The following PPP1R12A variants were observed in gnomAD, a reference collection of about 807,000 sequenced individuals.
PPP1R12A encodes the protein myosin binding subunit.
In PPP1R12A, 19 loss-of-function variants were observed where a neutral mutation model predicts 139.6. The observed-to-expected ratio is 0.14, with a 90% CI of 0.09 to 0.20. The LOEUF (loss-of-function observed/expected upper bound fraction) is 0.20. Among genes scored for constraint, PPP1R12A ranks in the 10% least tolerant of loss-of-function variants. The pLI, the probability that PPP1R12A is intolerant of heterozygous loss-of-function variation, is 1.00. For missense variants in PPP1R12A, 925 were observed against 1,211.5 expected (o/e 0.76, Z 3.51); for synonymous variants, 427 against 420.6 (o/e 1.02, Z -0.19).
chr12:79,854,538 G>C (rs564295643), intron 2 of PPP1R12A, among the ~76,000 whole-genome samples: 19 of 152,164 alleles, frequency 1.2e-4, no homozygotes, highest in Non-Finnish European at 2.1e-4. Flanking sequence ...AGAAAGAGAG[G>C]CAGAATAGTG....
chr12:79,900,445 A>T (rs1885531994), intron 1 of PPP1R12A, among the ~76,000 whole-genome samples: 1 of 152,188 alleles, frequency 6.6e-6, no homozygotes, highest in African/African-American at 2.4e-5. Context: ...ATAGGCACAC[A>T]AATATTTGCT....
intron 2 of PPP1R12A, among the ~76,000 whole-genome samples, chr12:79,846,606 T>C (rs1290290609): frequency 1.3e-5 from 2 of 151,376 alleles, no homozygotes; most frequent in African/African-American, 2.4e-5. Context: ...ATTTTTTTTT[T>C]TTTTTTTTGT....
At chr12:79,797,007 A>G (rs1249569589) in intron 16 of PPP1R12A, 57 bp from the exon 17 acceptor site, 4 of 1,499,280 alleles carry the variant, frequency 2.7e-6, no homozygotes, top group East Asian at 4.6e-5. Flanking sequence ...TAAAAACATA[A>G]AAATACTTAA....
In PPP1R12A at chr12:79,775,907, T is replaced by C. The variant is rs1261932609; in HGVS notation, c.*22A>G. The C allele has an allele frequency of 2.0e-5, 30 of 1,509,664 alleles. No individual in the cohort carries two copies. The highest frequency in any genetic ancestry group is 2.2e-5 in the Non-Finnish European group (25 of 1,114,674). 93.5% of individuals were successfully genotyped at this position (1,509,664 alleles called of 1,614,324 possible). ...TGGGTTACTAATATGTGCAATTCCA[T>C]TACTTGCTGCTTTTTTTTTTTTTAT... On this transcript the variant is annotated 3_prime_UTR_variant, in exon 25 of 25. Transcript: ENST00000450142.
At chr12:79,859,357 A>AG (rs1387952487) in intron 2 of PPP1R12A, among the ~76,000 whole-genome samples, 5 of 150,316 alleles carry the variant, frequency 3.3e-5, no homozygotes, top group Non-Finnish European at 7.4e-5. Flanking sequence ...AAAGAAAGAA[A>AG]AAAAAAAAAA....
At chr12:79,890,901 C>CCCCCCACA (rs1884549245) in intron 1 of PPP1R12A, among the ~76,000 whole-genome samples, 4 of 30,952 alleles carry the variant, frequency 1.3e-4, no homozygotes, top group Admixed American at 4.1e-4. Flanking sequence ...CCACCCACAC[C>CCCCCCACA]CACCCACACA....
chr12:79,933,747 T>A (rs897481461), intron 1 of PPP1R12A, among the ~76,000 whole-genome samples: 2 of 152,238 alleles, frequency 1.3e-5, no homozygotes, highest in African/African-American at 4.8e-5. Flanking sequence ...CAATAGTTTC[T>A]CCTTATTTGG....
chr12:79,893,053 A>C (rs901794947), intron 1 of PPP1R12A, among the ~76,000 whole-genome samples: 10 of 151,908 alleles, frequency 6.6e-5, no homozygotes, highest in Middle Eastern at 3.4e-3. Flanking sequence ...CCGTGAGCCA[A>C]GATTGCGCCA....
chr12:79,806,030 G>T (rs1170380262), intron 13 of PPP1R12A, 136 bp downstream of exon 13: 6 of 1,233,072 alleles, frequency 4.9e-6, no homozygotes, highest in Non-Finnish European at 2.2e-6. Context: ...GCCTCATTTT[G>T]GAACCAATTT....
intron 22 of PPP1R12A, among the ~76,000 whole-genome samples, chr12:79,783,403 G>A (rs1032263831): frequency 8.6e-5 from 13 of 151,832 alleles, no homozygotes; most frequent in Non-Finnish European, 1.3e-4. Context: ...GGGATATTGA[G>A]GCTGCAGTGA....
chr12:79,847,922 A>G lies in PPP1R12A; in HGVS notation c.369-2502T>C, dbSNP rs77195201. ...CATTTTCCTTAGAATAAATGAAATA[A>G]CTGATCAATCTCTATATCTTTTACA... is the stretch of plus-strand genomic sequence containing the variant. On this transcript the variant is annotated intron_variant, in intron 2 of 24. Coordinates refer to ENST00000450142, the MANE Select transcript of PPP1R12A (RefSeq NM_002480.3). Among the ~76,000 whole-genome samples, 826 of 152,240 alleles carry G rather than the reference A, an allele frequency of 5.4e-3. 5 individuals are homozygous for G. The highest frequency in any genetic ancestry group is 0.019 in the African/African-American group (784 of 41,542).
intron 24 of PPP1R12A, chr12:79,777,534 T>A: frequency 1.0e-6 from 1 of 985,332 alleles, no homozygotes; most frequent in East Asian, 1.1e-4. Context: ...GTTCACAGAC[T>A]GCAGTTGCCT....
intron 5 of PPP1R12A, among the ~76,000 whole-genome samples, chr12:79,827,294 C>A (rs952424083): frequency 6.6e-6 from 1 of 151,894 alleles, no homozygotes; most frequent in African/African-American, 2.4e-5. Context: ...GATTTTCATG[C>A]CTGCACATTT....
chr12:79,871,217 A>C (rs1183140592), intron 2 of PPP1R12A, among the ~76,000 whole-genome samples: 8 of 152,208 alleles, frequency 5.3e-5, no homozygotes, highest in Admixed American at 5.2e-4. Context: ...AACAAGTACC[A>C]TTATTCTTTA....
Position 79,873,030 on chromosome 12 carries a change from TTATAA to T in PPP1R12A, c.238-97_238-93del, listed in dbSNP as rs1343717416. On this transcript the variant is annotated intron_variant, in intron 1 of 24. Transcript: ENST00000450142. ...GAATAAAATTCCTACTTTGTAGCTT[TTATAA>T]TATAAATATTCTCTGTAAATAAATC... 32 of 1,282,242 alleles carry T rather than the reference TTATAA, an allele frequency of 2.5e-5. No homozygotes were observed. The Admixed American group carries it at 7.3e-4, about 29-fold the overall frequency. The allele number at this position is 1,282,242 out of a possible 1,614,324, so 79.4% of individuals were successfully genotyped here.
intron 1 of PPP1R12A, among the ~76,000 whole-genome samples, chr12:79,874,507 G>T (rs1466688092): frequency 6.6e-6 from 1 of 151,858 alleles, no homozygotes; most frequent in Non-Finnish European, 1.5e-5. Flanking sequence ...ATGTCATTTG[G>T]TAACAGGGGT....
intron 2 of PPP1R12A, among the ~76,000 whole-genome samples, chr12:79,856,895 T>C (rs865943379): frequency 6.6e-6 from 1 of 152,238 alleles, no homozygotes; most frequent in Non-Finnish European, 1.5e-5. Flanking sequence ...CAGCAATGTT[T>C]AGGCATATGG....
chr12:79,797,439 G>T, intron 15 of PPP1R12A, 44 bp from the exon 16 acceptor site: 1 of 1,474,906 alleles, frequency 6.8e-7, no homozygotes, highest in Non-Finnish European at 9.1e-7. Flanking sequence ...ATGCATTAAA[G>T]CTTGTTTCAA....
At chr12:79,839,120 G>A (rs1247700027) in intron 3 of PPP1R12A, among the ~76,000 whole-genome samples, 1 of 152,268 alleles carries the variant, frequency 6.6e-6, no homozygotes, top group Non-Finnish European at 1.5e-5. Context: ...ACCTGGATGT[G>A]AGACATGAAG....
Sources: gnomAD v4.1 joint callset for allele counts (sites outside exome capture counted in the v4.1 genomes callset) on GRCh38, gnomAD v4.1.1 for gene constraint, MANE v1.5 for transcripts, NCBI Gene and HGNC (gene_info 2026-07-23, HGNC 2026-07-21) for gene names.